DGKB: variants seen among roughly 807,000 people sequenced by gnomAD.
DGKB encodes the protein diacylglycerol kinase beta, also known as 90 kDa diacylglycerol kinase.
In DGKB, 67 loss-of-function variants were observed where a neutral mutation model predicts 114.3. The ratio of observed to expected loss-of-function variants is 0.59; its 90% CI spans 0.48 to 0.72. The LOEUF (loss-of-function observed/expected upper bound fraction) is 0.72, where lower values mean the gene tolerates loss of function less well. Ranked by LOEUF, DGKB falls within the 30% of genes least tolerant of loss-of-function variation. The probability of loss-of-function intolerance (pLI) is 0.00; values close to 1 mark genes in which losing one functional copy is unlikely to be tolerated. For synonymous variants in DGKB, 398 were observed against 323.1 expected, an observed-to-expected ratio of 1.23 and a Z score of -2.49; for missense variants, 907 against 975.2, an observed-to-expected ratio of 0.93 and a Z score of 0.93.
chr7:14,526,070 A>C (rs10280978), intron 20 of DGKB, among the ~76,000 whole-genome samples: 3,501 of 152,256 alleles, frequency 0.023, 142 homozygotes, highest in African/African-American at 0.078. Flanking sequence ...ATATTTTCCC[A>C]AAAGAGTATT....
chr7:14,918,256 A>G (rs911768774), intron 1 of DGKB, among the ~76,000 whole-genome samples: 4 of 152,160 alleles, frequency 2.6e-5, no homozygotes, highest in Non-Finnish European at 5.9e-5. Flanking sequence ...GTAACTTCGT[A>G]GATAAGAAAA....
At chr7:14,467,201 G>A (rs1180882588) in intron 21 of DGKB, among the ~76,000 whole-genome samples, 2 of 148,778 alleles carry the variant, frequency 1.3e-5, no homozygotes, top group South Asian at 2.1e-4. Context: ...ATTACTTACT[G>A]TTTTTAAATA....
At chr7:14,614,373 C>T (rs1806148600) in intron 15 of DGKB, among the ~76,000 whole-genome samples, 1 of 151,974 alleles carries the variant, frequency 6.6e-6, no homozygotes, top group Non-Finnish European at 1.5e-5. Flanking sequence ...ATGTAACTCC[C>T]ATCTAAATAC....
At chr7:14,585,648 T>C (rs145596715) in intron 17 of DGKB, among the ~76,000 whole-genome samples, 64 of 152,340 alleles carry the variant, frequency 4.2e-4, no homozygotes, top group African/African-American at 1.4e-3. Context: ...TTACTCTTTA[T>C]TGAGTTTAGC....
At chr7:14,735,388 C>T (rs899390451) in intron 5 of DGKB, among the ~76,000 whole-genome samples, 1 of 152,200 alleles carries the variant, frequency 6.6e-6, no homozygotes, top group Non-Finnish European at 1.5e-5. Flanking sequence ...TTGAGTCTAT[C>T]TACATCACCT....
intron 2 of DGKB, among the ~76,000 whole-genome samples, chr7:14,835,420 C>G (rs1343270072): frequency 6.6e-6 from 1 of 152,192 alleles, no homozygotes; most frequent in Non-Finnish European, 1.5e-5. Flanking sequence ...GTATACATCA[C>G]AGCACTAGCC....
intron 21 of DGKB, among the ~76,000 whole-genome samples, chr7:14,376,388 C>T (rs1346495832): frequency 6.6e-6 from 1 of 152,134 alleles, no homozygotes; most frequent in Non-Finnish European, 1.5e-5. Context: ...ATTTTCTATC[C>T]TTCTTGTCTC....
Position 14,478,194 on chromosome 7 carries a change from A to T in DGKB, c.1802T>A (p.Met601Lys), listed in dbSNP as rs1473139992. 2.5e-6 allele frequency: 4 copies of T among 1,603,360 alleles called. No homozygotes were observed. The highest frequency in any genetic ancestry group is 3.4e-6 in the Non-Finnish European group (4 of 1,173,688). Reference protein sequence around the residue: ...DASIAHRFHIMREKHPEKFNS... With the variant: ...DASIAHRFHIKREKHPEKFNS... ...GAATTTCTCTGGGTGTTTTTCTCTC[A>T]TGATGTGGAATCTGTGTGCAATGGA... Residue 601 changes from methionine (M) to lysine (K), a missense_variant, in exon 21 of 26, where the codon ATG (methionine) becomes AAG (lysine). Met to Lys is a moderately conservative substitution (Grantham distance 95). This residue lies in a region of DGKB where 814 missense variants were observed against 856.6 expected (regional missense o/e 0.95). Coordinates refer to ENST00000402815, the MANE Select transcript of DGKB (RefSeq NM_001350709.2).
At chr7:14,450,760 A>C (rs1831372421) in intron 21 of DGKB, among the ~76,000 whole-genome samples, 1 of 152,084 alleles carries the variant, frequency 6.6e-6, no homozygotes, top group East Asian at 1.9e-4. Context: ...GTGTCCTATC[A>C]AGTGGATCTG....
At chr7:14,484,863 T>C (rs192825653) in intron 20 of DGKB, among the ~76,000 whole-genome samples, 117 of 152,272 alleles carry the variant, frequency 7.7e-4, no homozygotes, top group African/African-American at 2.5e-3. Flanking sequence ...TAATGTTATA[T>C]ACAGCAAATT....
intron 23 of DGKB, among the ~76,000 whole-genome samples, chr7:14,210,282 A>C (rs1262508601): frequency 6.6e-6 from 1 of 152,088 alleles, no homozygotes; most frequent in African/African-American, 2.4e-5. Flanking sequence ...TACTGGGGGC[A>C]AATGCCTGAC....
chr7:14,836,721 C>T (rs1847217558), intron 2 of DGKB, among the ~76,000 whole-genome samples: 1 of 152,238 alleles, frequency 6.6e-6, no homozygotes, highest in Non-Finnish European at 1.5e-5. Context: ...TGGAGTGACT[C>T]AGCCTGAAAC....
chr7:14,151,655 T>G (rs958907550), intron 25 of DGKB, among the ~76,000 whole-genome samples: 2 of 152,086 alleles, frequency 1.3e-5, no homozygotes, highest in African/African-American at 2.4e-5. Flanking sequence ...CTTGCTTGTT[T>G]AATCATTTCT....
chr7:14,499,932 G>A (rs1297093410), intron 20 of DGKB, among the ~76,000 whole-genome samples: 1 of 151,762 alleles, frequency 6.6e-6, no homozygotes, highest in African/African-American at 2.4e-5. Flanking sequence ...TTTAGGCATT[G>A]GCTTTGAGAA....
intron 20 of DGKB, among the ~76,000 whole-genome samples, chr7:14,502,654 A>T (rs1316167562): frequency 6.6e-6 from 1 of 152,100 alleles, no homozygotes; most frequent in African/African-American, 2.4e-5. Context: ...TAGAGATCGC[A>T]AATTTTGACA....
intron 20 of DGKB, among the ~76,000 whole-genome samples, chr7:14,562,700 T>G (rs938620032): frequency 6.6e-6 from 1 of 152,156 alleles, no homozygotes; most frequent in Non-Finnish European, 1.5e-5. Flanking sequence ...TTGGAATGAG[T>G]GTATTTACCC....
intron 17 of DGKB, among the ~76,000 whole-genome samples, chr7:14,588,386 T>C (rs1196859544): frequency 1.3e-5 from 2 of 152,110 alleles, no homozygotes; most frequent in Admixed American, 6.6e-5. Flanking sequence ...CTTTGATAAG[T>C]AGTCAGTACC....
At chr7:14,344,350 T>C (rs936841455) in intron 22 of DGKB, among the ~76,000 whole-genome samples, 2 of 151,612 alleles carry the variant, frequency 1.3e-5, no homozygotes, top group Admixed American at 6.6e-5. Flanking sequence ...TTTTTTGGTA[T>C]TATTAATAAC....
intron 23 of DGKB, among the ~76,000 whole-genome samples, chr7:14,179,476 ATAGT>A (rs1782307063): frequency 6.6e-6 from 1 of 152,198 alleles, no homozygotes. Context: ...AAGCCATGTA[ATAGT>A]TGGTCATATT....
Sources: allele counts gnomAD v4.1 joint callset (sites outside exome capture counted in the v4.1 genomes callset), GRCh38; gene constraint gnomAD v4.1.1; regional missense constraint gnomAD v4.1.1; transcripts MANE v1.5; gene names NCBI Gene and HGNC (gene_info 2026-07-23, HGNC 2026-07-21).